Variants in DPY19L1 observed in about 807,000 individuals in gnomAD.
DPY19L1 encodes dpy-19 like C-mannosyltransferase 1.
A neutral mutation model predicts 96.9 loss-of-function variants in DPY19L1; 35 were observed. That is an observed-to-expected ratio of 0.36 (90% CI 0.28 to 0.48). The LOEUF (loss-of-function observed/expected upper bound fraction) is 0.48, where lower values mean the gene tolerates loss of function less well. Ranked by LOEUF, DPY19L1 falls within the 20% of genes least tolerant of loss-of-function variation. The pLI is 0.99. For synonymous variants in DPY19L1, 205 were observed against 252.6 expected (o/e 0.81, Z 1.79); for missense variants, 521 against 777.9 (o/e 0.67, Z 3.93).
intron 7 of DPY19L1, among the ~76,000 whole-genome samples, chr7:34,981,873 C>A (rs1346902583): frequency 2.0e-5 from 3 of 152,054 alleles, no homozygotes; most frequent in Admixed American, 1.3e-4. Context: ...ATCCTTGAAC[C>A]CGGGAGGCAG....
chr7:34,971,473 T>C (rs1477914795), intron 8 of DPY19L1, among the ~76,000 whole-genome samples: 1 of 152,090 alleles, frequency 6.6e-6, no homozygotes, highest in Non-Finnish European at 1.5e-5. Context: ...AAGCTGCCAA[T>C]GAAGATGGCG....
At chr7:34,981,874 C>T (rs183148856) in intron 7 of DPY19L1, among the ~76,000 whole-genome samples, 18 of 152,140 alleles carry the variant, frequency 1.2e-4, no homozygotes, top group Admixed American at 4.6e-4. Context: ...TCCTTGAACC[C>T]GGGAGGCAGA....
intron 1 of DPY19L1, among the ~76,000 whole-genome samples, chr7:35,030,682 TAGTG>T (rs975992707): frequency 6.6e-6 from 1 of 152,044 alleles, no homozygotes; most frequent in African/African-American, 2.4e-5. Flanking sequence ...AAAAAAATAA[TAGTG>T]AGAATGCTGA....
chr7:34,969,502 A>T lies in DPY19L1; in HGVS notation c.945T>A (p.Ile315=). ...RATKLYRGSL[I]ALCISNVFFM... ...AAAATACATTGGAAATGCAGAGTGC[A>T]ATCAAGCTTCCTCTATAAAGTTTTG... Residue 315 remains isoleucine (I), a synonymous_variant, in exon 9 of 22, where the codon ATT becomes ATA. Coordinates refer to ENST00000638088, the MANE Select transcript of DPY19L1 (RefSeq NM_001366673.1). The T allele has an allele frequency of 6.4e-7, 1 of 1,574,020 alleles. No individual in the cohort carries two copies. The highest frequency in any genetic ancestry group is 8.6e-7 in the Non-Finnish European group (1 of 1,162,612).
intron 6 of DPY19L1, among the ~76,000 whole-genome samples, chr7:35,009,130 C>T (rs976435619): frequency 7.9e-5 from 12 of 152,298 alleles, no homozygotes; most frequent in African/African-American, 2.9e-4. Flanking sequence ...TTACATTGAT[C>T]TTCTAACAGC....
intron 1 of DPY19L1, among the ~76,000 whole-genome samples, chr7:35,031,476 T>C (rs1233777252): frequency 1.3e-5 from 2 of 152,182 alleles, no homozygotes; most frequent in Admixed American, 1.3e-4. Context: ...AAGTAACAAC[T>C]TGCCTCATTA....
chr7:35,013,125 T>C (rs1255106199), intron 4 of DPY19L1, among the ~76,000 whole-genome samples: 2 of 152,062 alleles, frequency 1.3e-5, no homozygotes, highest in Admixed American at 6.6e-5. Flanking sequence ...TGAACTAGAG[T>C]TCCACATCAA....
At chr7:35,019,170 G>A (rs1785930430) in intron 1 of DPY19L1, among the ~76,000 whole-genome samples, 1 of 152,084 alleles carries the variant, frequency 6.6e-6, no homozygotes, top group Non-Finnish European at 1.5e-5. Context: ...AACATACTAA[G>A]ATGAACCTGG....
chr7:34,946,349 C>T (rs1784145480), intron 15 of DPY19L1, among the ~76,000 whole-genome samples: 1 of 152,202 alleles, frequency 6.6e-6, no homozygotes, highest in South Asian at 2.1e-4. Context: ...AGTCATACCT[C>T]CTGGAATTGG....
intron 7 of DPY19L1, among the ~76,000 whole-genome samples, chr7:34,976,887 G>A (rs1311594252): frequency 1.3e-5 from 2 of 151,970 alleles, no homozygotes; most frequent in South Asian, 2.1e-4. Flanking sequence ...GGGTTCAAGC[G>A]ATTCTCCTGC....
intron 1 of DPY19L1, among the ~76,000 whole-genome samples, chr7:35,026,716 T>G (rs1786127937): frequency 6.6e-6 from 1 of 152,186 alleles, no homozygotes; most frequent in African/African-American, 2.4e-5. Context: ...ATTAGTAAAT[T>G]CAAAAGATAC....
chr7:35,037,756 G>A (rs1390759913), upstream of DPY19L1: 5 of 1,082,048 alleles, frequency 4.6e-6, no homozygotes, highest in South Asian at 4.5e-5. Context: ...GCCGGCCAGC[G>A]CGCACGCGCG....
At chr7:34,948,428 G>A (rs945623758) in intron 14 of DPY19L1, among the ~76,000 whole-genome samples, 2 of 152,038 alleles carry the variant, frequency 1.3e-5, no homozygotes, top group Non-Finnish European at 2.9e-5. Flanking sequence ...CCACTGTATA[G>A]GTGTACCATA....
At chr7:35,023,274 A>T (rs1038378527) in intron 1 of DPY19L1, among the ~76,000 whole-genome samples, 1 of 152,184 alleles carries the variant, frequency 6.6e-6, no homozygotes, top group African/African-American at 2.4e-5. Flanking sequence ...GTCACTGGGA[A>T]GTACGAATGC....
intron 6 of DPY19L1, among the ~76,000 whole-genome samples, chr7:34,998,604 A>G (rs980642850): frequency 1.2e-4 from 19 of 152,226 alleles, no homozygotes; most frequent in South Asian, 2.1e-4. Flanking sequence ...CTCTGGCCAC[A>G]GGCAGAAGCA....
At chr7:34,969,150 A>G (rs1202750736) in intron 9 of DPY19L1, among the ~76,000 whole-genome samples, 4 of 152,198 alleles carry the variant, frequency 2.6e-5, no homozygotes, top group African/African-American at 4.8e-5. Context: ...ACGATACTGA[A>G]TAACAAAGAT....
rs1216468420 is a variant in DPY19L1, at chr7:34,990,716, C to T, written c.765-775G>A. 4.5e-4 allele frequency among the ~76,000 whole-genome samples: 68 copies of T among 152,120 alleles called. 1 individual carries two copies. Among genetic ancestry groups the T allele is most frequent in the Admixed American group, 4.5e-3 (68 of 15,268 alleles). On this transcript the variant is annotated intron_variant, in intron 6 of 21. Transcript: ENST00000638088. The stretch of plus-strand genomic sequence containing the variant: ...CCAAGTCTGGGTAGGGGACATAAGG[C>T]TATCTTTAGGTTTATTTCATCATGT...
intron 1 of DPY19L1, among the ~76,000 whole-genome samples, chr7:35,020,423 A>G (rs1189186559): frequency 6.6e-6 from 1 of 152,194 alleles, no homozygotes; most frequent in Non-Finnish European, 1.5e-5. Flanking sequence ...AGGTATGTGT[A>G]TATATACATA....
intron 4 of DPY19L1, among the ~76,000 whole-genome samples, chr7:35,013,136 CA>C (rs1785754994): frequency 6.6e-6 from 1 of 152,100 alleles, no homozygotes; most frequent in Admixed American, 6.6e-5. Flanking sequence ...TCCACATCAA[CA>C]AATTTATAGT....
Sources: gnomAD v4.1 joint callset for allele counts (sites outside exome capture counted in the v4.1 genomes callset) on GRCh38, gnomAD v4.1.1 for gene constraint, MANE v1.5 for transcripts, NCBI Gene and HGNC (gene_info 2026-07-23, HGNC 2026-07-21) for gene names.